CACNA1D: variants seen among roughly 807,000 people sequenced by gnomAD.
CACNA1D encodes the protein calcium voltage-gated channel subunit alpha1 D, also known as voltage-dependent L-type calcium channel subunit alpha-1D.
A neutral mutation model predicts 257.1 loss-of-function variants in CACNA1D; 55 were observed. The observed-to-expected ratio is 0.21, with a 90% CI of 0.17 to 0.27. The LOEUF is 0.27. Among genes scored for constraint, CACNA1D ranks in the 10% least tolerant of loss-of-function variants. The pLI, the probability that CACNA1D is intolerant of heterozygous loss-of-function variation, is 1.00. For synonymous variants in CACNA1D, 980 were observed against 1,014.9 expected (o/e 0.97, Z 0.65); for missense variants, 1,876 against 2,784.0 (o/e 0.67, Z 7.34).
chr3:53,672,725 C>T (rs2094334591), intron 7 of CACNA1D, among the ~76,000 whole-genome samples: 1 of 148,930 alleles, frequency 6.7e-6, no homozygotes, highest in Admixed American at 6.7e-5. Context: ...GGGCCAAAAT[C>T]TGCTATTATT....
rs560301470 is a variant in CACNA1D at position 53,774,740 on chromosome 3, A to G, written c.4202+62A>G. On this transcript the variant is annotated intron_variant, in intron 34 of 47. Transcript: ENST00000350061. This position sits in a 1 kb window ranked among gnomAD's most constrained non-coding sequence, Gnocchi z 4.3. ...GGGGGTCCGCTAGGCGTGGGTCCAG[A>G]GGGACGGAGGACACAGGTTATTAAA... is the stretch of plus-strand genomic sequence containing the variant. The G allele has an allele frequency of 1.1e-5, 10 of 902,296 alleles. No homozygotes were observed. The highest frequency in any genetic ancestry group is 8.2e-5 in the African/African-American group (5 of 61,312). The allele number at this position is 902,296 out of a possible 1,614,324, so 55.9% of individuals were successfully genotyped here. A position where few individuals can be genotyped will look rare whatever the true frequency, so the allele number is the denominator to read the frequency against.
At chr3:53,497,567 G>C in intron 2 of CACNA1D, 106 bp downstream of exon 2, 1 of 1,177,532 alleles carries the variant, frequency 8.5e-7, no homozygotes, top group East Asian at 2.3e-5. Context: ...TCTGGAATGC[G>C]AGTAACAGAA....
intron 34 of CACNA1D, among the ~76,000 whole-genome samples, chr3:53,775,357 G>A (rs1313510387): frequency 1.3e-5 from 2 of 152,080 alleles, no homozygotes; most frequent in Non-Finnish European, 2.9e-5. Context: ...TGGGTGGATC[G>A]CTTGAGCCCA....
chr3:53,804,126 C>A (rs953174007), intron 44 of CACNA1D, among the ~76,000 whole-genome samples: 2 of 152,168 alleles, frequency 1.3e-5, no homozygotes, highest in Admixed American at 6.5e-5. Flanking sequence ...CTTTAGGAGG[C>A]GTAGCAGGCG....
intron 20 of CACNA1D, among the ~76,000 whole-genome samples, chr3:53,736,251 G>C (rs971713317): frequency 2.0e-5 from 3 of 152,114 alleles, no homozygotes; most frequent in African/African-American, 7.2e-5. Flanking sequence ...TGAGGGAGGA[G>C]GATCGCTTGG....
In CACNA1D at chr3:53,723,799, A is replaced by G; in HGVS notation, c.1900A>G (p.Thr634Ala). The part of the protein sequence containing the change: ...LRIFKVTRHW[T>A]SLSNLVASLL... The stretch of plus-strand genomic sequence containing the variant: ...CCTCATCTTGACTTATAGGCACTGG[A>G]CTTCCCTGAGCAACTTAGTGGCATC... The change falls in exon 14 of 48, where the codon ACT (threonine) becomes GCT (alanine). Residue 634 changes from threonine to alanine, a missense_variant. By Grantham distance (58) the Thr-to-Ala change is moderately conservative. This residue lies in a region of CACNA1D where 257 missense variants were observed against 399.7 expected (regional missense o/e 0.64). Transcript: ENST00000350061. This position sits in a 1 kb window ranked among gnomAD's most constrained non-coding sequence, Gnocchi z 5.6. The G allele has an allele frequency of 6.2e-7, 1 of 1,613,628 alleles. No individual in the cohort carries two copies. The highest frequency in any genetic ancestry group is 8.5e-7 in the Non-Finnish European group (1 of 1,179,600).
intron 3 of CACNA1D, among the ~76,000 whole-genome samples, chr3:53,604,563 A>G (rs1208768537): frequency 1.4e-5 from 2 of 147,650 alleles, no homozygotes; most frequent in East Asian, 4.2e-4. Flanking sequence ...TTTAATAGCC[A>G]TGGGACCAAC....
chr3:53,733,981 T>C (rs1220956116), intron 19 of CACNA1D, among the ~76,000 whole-genome samples: 3 of 140,420 alleles, frequency 2.1e-5, no homozygotes, highest in East Asian at 2.1e-4. Flanking sequence ...TATGTATATA[T>C]ATATACATAT....
chr3:53,605,911 C>T (rs557584089), intron 3 of CACNA1D, among the ~76,000 whole-genome samples: 2 of 152,218 alleles, frequency 1.3e-5, no homozygotes, highest in Non-Finnish European at 2.9e-5. Flanking sequence ...AGGTATCATG[C>T]TTTCCTGAAG....
chr3:53,519,619 AC>A (rs1317841402), intron 3 of CACNA1D, among the ~76,000 whole-genome samples: 1 of 152,200 alleles, frequency 6.6e-6, no homozygotes, highest in Non-Finnish European at 1.5e-5. Flanking sequence ...GCATGTTCAT[AC>A]TTTTTAAAAG....
chr3:53,727,210 C>T (rs984692674), intron 15 of CACNA1D, among the ~76,000 whole-genome samples: 1 of 152,192 alleles, frequency 6.6e-6, no homozygotes, highest in Non-Finnish European at 1.5e-5. Flanking sequence ...GAGGGATGCG[C>T]TCTGGCTAAG....
intron 25 of CACNA1D, among the ~76,000 whole-genome samples, chr3:53,746,675 C>T (rs569707775): frequency 5.3e-5 from 8 of 152,308 alleles, no homozygotes; most frequent in African/African-American, 1.9e-4. Flanking sequence ...CCGTTCATGG[C>T]GTCCCTGGAG....
intron 3 of CACNA1D, among the ~76,000 whole-genome samples, chr3:53,614,915 G>A (rs1184368151): frequency 6.6e-6 from 1 of 152,072 alleles, no homozygotes; most frequent in Non-Finnish European, 1.5e-5. Context: ...CTGTGGAATA[G>A]TCTGTTATCT....
intron 3 of CACNA1D, among the ~76,000 whole-genome samples, chr3:53,550,021 G>A (rs773491116): frequency 6.6e-6 from 1 of 152,178 alleles, no homozygotes; most frequent in Non-Finnish European, 1.5e-5. Flanking sequence ...ATTTCAGTCG[G>A]CTGCTGAGCT....
intron 7 of CACNA1D, among the ~76,000 whole-genome samples, chr3:53,672,758 C>CTCTG (rs1354872306): frequency 3.2e-5 from 3 of 95,008 alleles, no homozygotes; most frequent in Non-Finnish European, 4.3e-5. Context: ...CTTGATGACT[C>CTCTG]TGTGTGTGTG....
In CACNA1D at chr3:53,744,910, GA is replaced by G. The variant is rs2095153104; in HGVS notation, c.3006+84del. 5 of 796,668 alleles carry G rather than the reference GA, an allele frequency of 6.3e-6. No individual in the cohort carries two copies. In the Admixed American group the frequency reaches 9.0e-5, roughly 14 times the overall value. 49.3% of individuals were successfully genotyped at this position (796,668 alleles called of 1,614,324 possible). ...TGGCTCTTCTGGGCAGAGCTGAGCT[GA>G]GGCCTGATGGATTTTTAAAGTGAGT... On this transcript the variant is annotated intron_variant, in intron 23 of 47. Transcript: ENST00000350061.
chr3:53,661,342 T>A (rs1018478765), intron 5 of CACNA1D, among the ~76,000 whole-genome samples: 2 of 150,096 alleles, frequency 1.3e-5, no homozygotes, highest in African/African-American at 4.9e-5. Flanking sequence ...GAAAAAAAAA[T>A]TTCCAAATTT....
At chr3:53,676,418 A>C (rs1200794200) in intron 8 of CACNA1D, among the ~76,000 whole-genome samples, 1 of 152,188 alleles carries the variant, frequency 6.6e-6, no homozygotes, top group Non-Finnish European at 1.5e-5. Flanking sequence ...TTAAGGGAAC[A>C]CTAGAGGTAC....
chr3:53,608,024 T>C (rs2107932423), intron 3 of CACNA1D, among the ~76,000 whole-genome samples: 1 of 152,288 alleles, frequency 6.6e-6, no homozygotes, highest in South Asian at 2.1e-4. Context: ...GGCTTGTCAA[T>C]TTCTATAAAA....
Sources: allele counts gnomAD v4.1 joint callset (sites outside exome capture counted in the v4.1 genomes callset), GRCh38; gene constraint gnomAD v4.1.1; regional missense constraint gnomAD v4.1.1; non-coding constraint Gnocchi (gnomAD v3.1); transcripts MANE v1.5; gene names NCBI Gene and HGNC (gene_info 2026-07-23, HGNC 2026-07-21).